The following MFHAS1 variants were observed in gnomAD, a reference collection of about 807,000 sequenced individuals.
MFHAS1 encodes the protein malignant fibrous histiocytoma-amplified sequence 1.
In MFHAS1, 50 loss-of-function variants were observed where a neutral mutation model predicts 70.4. The ratio of observed to expected loss-of-function variants is 0.71; its 90% CI spans 0.57 to 0.90. The LOEUF (loss-of-function observed/expected upper bound fraction) is 0.90, where lower values mean the gene tolerates loss of function less well. Among genes scored for constraint, MFHAS1 ranks in the 40% least tolerant of loss-of-function variants. The pLI is 0.00. For synonymous variants in MFHAS1, 952 were observed against 620.0 expected (o/e 1.54, Z -7.96); for missense variants, 1,795 against 1,347.6 (o/e 1.33, Z -5.20).
At chr8:8,855,157 C>T (rs751642388) in intron 1 of MFHAS1, among the ~76,000 whole-genome samples, 3 of 152,142 alleles carry the variant, frequency 2.0e-5, no homozygotes, top group African/African-American at 4.8e-5. Flanking sequence ...CTCGCCATGT[C>T]GCCCAGGCTG....
chr8:8,794,938 T>C (rs969273210), intron 2 of MFHAS1, among the ~76,000 whole-genome samples: 1 of 152,220 alleles, frequency 6.6e-6, no homozygotes, highest in African/African-American at 2.4e-5. Context: ...AAACGTGGTC[T>C]TTCTGCGGCA....
At chr8:8,788,948 G>A (rs1427419661) in intron 2 of MFHAS1, among the ~76,000 whole-genome samples, 1 of 152,202 alleles carries the variant, frequency 6.6e-6, no homozygotes, top group African/African-American at 2.4e-5. Flanking sequence ...GTGAGCCACG[G>A]CCAGGAGTTT....
chr8:8,873,750 C>G (rs1278013756), intron 1 of MFHAS1, among the ~76,000 whole-genome samples: 1 of 152,124 alleles, frequency 6.6e-6, no homozygotes, highest in African/African-American at 2.4e-5. Flanking sequence ...GTTTAGAAAA[C>G]AGATGGGACA....
chr8:8,815,618 T>C (rs1806712625), intron 1 of MFHAS1, among the ~76,000 whole-genome samples: 1 of 152,216 alleles, frequency 6.6e-6, no homozygotes, highest in African/African-American at 2.4e-5. Context: ...TAATGACCAG[T>C]GATGTTGAGC....
chr8:8,848,035 G>A (rs898730774), intron 1 of MFHAS1, among the ~76,000 whole-genome samples: 1 of 152,172 alleles, frequency 6.6e-6, no homozygotes, highest in African/African-American at 2.4e-5. Flanking sequence ...TAAAAGGTGA[G>A]AAAAAACAAA....
intron 1 of MFHAS1, among the ~76,000 whole-genome samples, chr8:8,837,658 A>G (rs1471814098): frequency 6.6e-6 from 1 of 152,018 alleles, no homozygotes; most frequent in East Asian, 1.9e-4. Flanking sequence ...AAAAAAAAAA[A>G]GAAGAGGAAG....
rs375316622 is a variant in MFHAS1, at chr8:8,891,248, C to T, written c.1811G>A (p.Arg604Gln). Reference protein sequence around the residue: ...AYYGVSDKNLRRRKAHFQYLL... With the variant: ...AYYGVSDKNLQRRKAHFQYLL... ...GTATTGAAAATGGGCCTTGCGCCGTCGAAGGTTCTTGTCCGAAACGCCATA... is the reference window on the plus strand; with the variant it reads ...GTATTGAAAATGGGCCTTGCGCCGTTGAAGGTTCTTGTCCGAAACGCCATA... Residue 604 changes from arginine (R) to glutamine (Q), a missense_variant, in exon 1 of 3, where the codon CGA becomes CAA. Coordinates refer to ENST00000276282, the MANE Select transcript of MFHAS1 (RefSeq NM_004225.3). This position sits in a 1 kb window ranked among gnomAD's most constrained non-coding sequence, Gnocchi z 5.4. The T allele has an allele frequency of 6.8e-6, 11 of 1,612,176 alleles. No individual in the cohort carries two copies. The East Asian group carries it at 2.5e-4, about 36-fold the overall frequency.
At chr8:8,860,246 C>T (rs1456310120) in intron 1 of MFHAS1, among the ~76,000 whole-genome samples, 1 of 152,196 alleles carries the variant, frequency 6.6e-6, no homozygotes, top group East Asian at 1.9e-4. Flanking sequence ...TTCTTGGGTA[C>T]ACTCTCTTTG....
chr8:8,786,580 A>G (rs1805550955), intron 2 of MFHAS1, among the ~76,000 whole-genome samples: 1 of 152,202 alleles, frequency 6.6e-6, no homozygotes, highest in Non-Finnish European at 1.5e-5. Flanking sequence ...TGAATAAACT[A>G]CTGCAGCCTC....
At chr8:8,875,360 G>A (rs1049595254) in intron 1 of MFHAS1, among the ~76,000 whole-genome samples, 14 of 152,150 alleles carry the variant, frequency 9.2e-5, no homozygotes, top group Non-Finnish European at 1.6e-4. Flanking sequence ...AAATCACCTT[G>A]ATGTACTATT....
chr8:8,870,513 C>A (rs757933944), intron 1 of MFHAS1, among the ~76,000 whole-genome samples: 1 of 152,024 alleles, frequency 6.6e-6, no homozygotes, highest in Non-Finnish European at 1.5e-5. Flanking sequence ...TATTTACAGA[C>A]GTGCATTGAT....
At chr8:8,852,470 A>AAC (rs752733842) in intron 1 of MFHAS1, among the ~76,000 whole-genome samples, 1,723 of 127,756 alleles carry the variant, frequency 0.013, 14 homozygotes, top group Middle Eastern at 0.03. Context: ...CCCTCTCTCA[A>AAC]ACACACACAC....
At chr8:8,840,031 C>G (rs1317047885) in intron 1 of MFHAS1, among the ~76,000 whole-genome samples, 1 of 152,146 alleles carries the variant, frequency 6.6e-6, no homozygotes, top group East Asian at 1.9e-4. Flanking sequence ...TATATATACA[C>G]ATATATGTTT....
At chr8:8,844,524 C>G (rs931269442) in intron 1 of MFHAS1, among the ~76,000 whole-genome samples, 1 of 152,194 alleles carries the variant, frequency 6.6e-6, no homozygotes, top group Non-Finnish European at 1.5e-5. Flanking sequence ...CTGAAAAGAT[C>G]TAAAAATGAC....
intron 1 of MFHAS1, among the ~76,000 whole-genome samples, chr8:8,823,326 T>C (rs1807035195): frequency 6.6e-6 from 1 of 152,194 alleles, no homozygotes. Context: ...TCCAGAGAAA[T>C]GTACTGTGAA....
At chr8:8,874,897 ACT>A (rs1383313081) in intron 1 of MFHAS1, among the ~76,000 whole-genome samples, 3 of 151,928 alleles carry the variant, frequency 2.0e-5, no homozygotes, top group African/African-American at 7.2e-5. Context: ...CTGATAAAAC[ACT>A]GTGATTAAAA....
intron 1 of MFHAS1, among the ~76,000 whole-genome samples, chr8:8,857,125 C>G (rs999509974): frequency 1.3e-5 from 2 of 150,740 alleles, no homozygotes; most frequent in Non-Finnish European, 2.9e-5. Flanking sequence ...ATGCCAAAAA[C>G]AGATTCAGTC....
At chr8:8,799,096 A>G (rs1304851921) in intron 1 of MFHAS1, among the ~76,000 whole-genome samples, 1 of 151,964 alleles carries the variant, frequency 6.6e-6, no homozygotes, top group African/African-American at 2.4e-5. Flanking sequence ...GACTCCAAAG[A>G]AGAGCAGTCC....
chr8:8,809,718 G>T (rs1358088334), intron 1 of MFHAS1, among the ~76,000 whole-genome samples: 1 of 152,190 alleles, frequency 6.6e-6, no homozygotes, highest in Non-Finnish European at 1.5e-5. Flanking sequence ...TGGGGAGAGG[G>T]GGAGGGGGAG....
Sources: gnomAD v4.1 joint callset for allele counts (sites outside exome capture counted in the v4.1 genomes callset) on GRCh38, gnomAD v4.1.1 for gene constraint, Gnocchi (gnomAD v3.1) non-coding constraint, MANE v1.5 for transcripts, NCBI Gene and HGNC (gene_info 2026-07-23, HGNC 2026-07-21) for gene names.